MEGF11: variants seen among roughly 807,000 people sequenced by gnomAD.
The protein encoded by MEGF11 is multiple EGF like domains 11, also known as multiple epidermal growth factor-like domains protein 11.
A neutral mutation model predicts 146.6 loss-of-function variants in MEGF11; 126 were observed. The observed-to-expected ratio is 0.86, with a 90% CI of 0.74 to 1.00. The LOEUF is 1.00. MEGF11 is among the 50% of genes least tolerant of loss of function. The probability of loss-of-function intolerance (pLI) is 0.00; values close to 1 mark genes in which losing one functional copy is unlikely to be tolerated. For synonymous variants in MEGF11, 532 were observed against 583.4 expected, an observed-to-expected ratio of 0.91 and a Z score of 1.27; for missense variants, 1,509 against 1,521.2, an observed-to-expected ratio of 0.99 and a Z score of 0.13.
At chr15:66,138,326 G>A (rs1234087656) in intron 1 of MEGF11, among the ~76,000 whole-genome samples, 1 of 152,200 alleles carries the variant, frequency 6.6e-6, no homozygotes, top group African/African-American at 2.4e-5. Context: ...TATCACAATG[G>A]TGTGGCATGT....
intron 1 of MEGF11, among the ~76,000 whole-genome samples, chr15:66,247,941 G>A (rs796802489): frequency 2.7e-5 from 4 of 149,340 alleles, no homozygotes; most frequent in Admixed American, 6.7e-5. Context: ...AGGCTGGGGC[G>A]AGATGGCACC....
intron 5 of MEGF11, among the ~76,000 whole-genome samples, chr15:66,014,057 G>T (rs1295201558): frequency 6.6e-6 from 1 of 152,236 alleles, no homozygotes; most frequent in Non-Finnish European, 1.5e-5. Context: ...AGTGAGGAGA[G>T]GCCAGAGGAA....
intron 10 of MEGF11, among the ~76,000 whole-genome samples, chr15:65,944,248 A>G (rs562988393): frequency 8.5e-5 from 13 of 152,292 alleles, no homozygotes; most frequent in East Asian, 3.9e-4. Flanking sequence ...AACATCCACA[A>G]TGTGCCACCA....
chr15:65,988,693 T>C (rs955618838), intron 5 of MEGF11, among the ~76,000 whole-genome samples: 1 of 152,212 alleles, frequency 6.6e-6, no homozygotes, highest in South Asian at 2.1e-4. Flanking sequence ...CGACCATTAC[T>C]TTTCTGCCTT....
intron 1 of MEGF11, among the ~76,000 whole-genome samples, chr15:66,130,923 G>A (rs1440923680): frequency 6.6e-6 from 1 of 152,124 alleles, no homozygotes; most frequent in Admixed American, 6.5e-5. Flanking sequence ...AAAATCAATC[G>A]TGCTGCAGTG....
intron 1 of MEGF11, among the ~76,000 whole-genome samples, chr15:66,196,690 C>T (rs1207283986): frequency 6.6e-6 from 1 of 152,130 alleles, no homozygotes; most frequent in African/African-American, 2.4e-5. Flanking sequence ...TACTTTCAAC[C>T]AGGAATTAAG....
At chr15:65,996,416 T>G (rs1238977120) in intron 5 of MEGF11, among the ~76,000 whole-genome samples, 2 of 152,034 alleles carry the variant, frequency 1.3e-5, no homozygotes, top group Non-Finnish European at 2.9e-5. Flanking sequence ...TCTTGTGCAA[T>G]GAACTTGCCC....
At chr15:66,088,067 A>G (rs1409143650) in intron 5 of MEGF11, among the ~76,000 whole-genome samples, 1 of 152,258 alleles carries the variant, frequency 6.6e-6, no homozygotes, top group Non-Finnish European at 1.5e-5. Flanking sequence ...CATAAACTAC[A>G]AAACCTAGAA....
chr15:65,992,708 C>T (rs1032961774), intron 5 of MEGF11, among the ~76,000 whole-genome samples: 1 of 150,962 alleles, frequency 6.6e-6, no homozygotes, highest in Admixed American at 6.6e-5. Flanking sequence ...TAGAATGCCA[C>T]AGTATTGTGT....
chr15:65,997,450 TAAGCA>T (rs896282246), intron 5 of MEGF11, among the ~76,000 whole-genome samples: 4 of 152,214 alleles, frequency 2.6e-5, no homozygotes, highest in African/African-American at 9.6e-5. Flanking sequence ...AGTGAGACAG[TAAGCA>T]AAGCAAGGCC....
chr15:66,157,186 G>A (rs905915225), intron 1 of MEGF11, among the ~76,000 whole-genome samples: 5 of 152,256 alleles, frequency 3.3e-5, no homozygotes, highest in Admixed American at 1.3e-4. Flanking sequence ...AACCCCACAC[G>A]GACAACAGTA....
At chr15:66,128,841 T>C (rs143687564) in intron 1 of MEGF11, among the ~76,000 whole-genome samples, 188 of 152,264 alleles carry the variant, frequency 1.2e-3, no homozygotes, top group African/African-American at 4.4e-3. Flanking sequence ...TCTACTTCCT[T>C]TCCCTACTCC....
At chr15:66,172,441 C>T (rs549735523) in intron 1 of MEGF11, among the ~76,000 whole-genome samples, 1 of 152,328 alleles carries the variant, frequency 6.6e-6, no homozygotes, top group South Asian at 2.1e-4. Context: ...CTTCTACTTG[C>T]ATTCAGCCAA....
chr15:66,083,084 T>C (rs1181545804), intron 5 of MEGF11, among the ~76,000 whole-genome samples: 2 of 152,104 alleles, frequency 1.3e-5, no homozygotes, highest in African/African-American at 4.8e-5. Flanking sequence ...ACAGAGACAC[T>C]CCCTGATGTA....
intron 1 of MEGF11, among the ~76,000 whole-genome samples, chr15:66,146,619 ACCCCGCTGAGCACAGGCTTGGATGT>A: frequency 6.6e-6 from 1 of 152,030 alleles, no homozygotes; most frequent in Non-Finnish European, 1.5e-5. Context: ...CAGTGTGGGG[ACCCCGCTGAGCACAGGCTTGGATGT>A]TGGATCCGTG....
At chr15:66,088,080 G>A (rs561730245) in intron 5 of MEGF11, among the ~76,000 whole-genome samples, 2 of 152,236 alleles carry the variant, frequency 1.3e-5, no homozygotes, top group African/African-American at 4.8e-5. Context: ...ACCTAGAAGC[G>A]ACGGATAAAT....
At chr15:66,107,390 C>T (rs756549007) in intron 4 of MEGF11, among the ~76,000 whole-genome samples, 2 of 152,330 alleles carry the variant, frequency 1.3e-5, no homozygotes. Flanking sequence ...TCCACAAAAG[C>T]CCATTAGTGG....
chr15:66,191,521 G>A (rs539236166), intron 1 of MEGF11, among the ~76,000 whole-genome samples: 1 of 152,298 alleles, frequency 6.6e-6, no homozygotes, highest in South Asian at 2.1e-4. Context: ...TCTGGCAACC[G>A]CAGACGGAGC....
chr15:65,975,582 G>A (rs1258811620), intron 7 of MEGF11, among the ~76,000 whole-genome samples: 1 of 152,162 alleles, frequency 6.6e-6, no homozygotes, highest in Non-Finnish European at 1.5e-5. Context: ...CTGGTGGGAA[G>A]AGCACTGGGT....
Sources: allele counts gnomAD v4.1 joint callset (sites outside exome capture counted in the v4.1 genomes callset), GRCh38; gene constraint gnomAD v4.1.1; transcripts MANE v1.5; gene names NCBI Gene and HGNC (gene_info 2026-07-23, HGNC 2026-07-21).